The following ANK1 variants were observed in gnomAD, a reference collection of about 807,000 sequenced individuals.
ANK1 encodes ankyrin-1.
A neutral mutation model predicts 210.4 loss-of-function variants in ANK1; 51 were observed. The observed-to-expected ratio is 0.24, with a 90% CI of 0.19 to 0.31. The LOEUF (loss-of-function observed/expected upper bound fraction) is 0.31, where lower values mean the gene tolerates loss of function less well. ANK1 is among the 10% of genes least tolerant of loss of function. The pLI is 1.00. For synonymous variants in ANK1, 967 were observed against 1,025.9 expected, an observed-to-expected ratio of 0.94 and a Z score of 1.10; for missense variants, 2,051 against 2,504.4, an observed-to-expected ratio of 0.82 and a Z score of 3.86.
intron 14 of ANK1, 100 bp downstream of exon 14, chr8:41,715,552 T>C (rs549601357): frequency 1.1e-5 from 16 of 1,439,616 alleles, no homozygotes; most frequent in African/African-American, 8.4e-5. Context: ...TGCAGCATCA[T>C]TGAGGTGACA....
At chr8:41,885,203 A>C (rs1433449227) in intron 1 of ANK1, among the ~76,000 whole-genome samples, 1 of 152,196 alleles carries the variant, frequency 6.6e-6, no homozygotes, top group African/African-American at 2.4e-5. Context: ...GTTCTTCCTG[A>C]GAAATCTGGT....
intron 1 of ANK1, among the ~76,000 whole-genome samples, chr8:41,812,385 GC>G: frequency 6.6e-6 from 1 of 152,318 alleles, no homozygotes; most frequent in East Asian, 1.9e-4. Flanking sequence ...AGTGTCCTAA[GC>G]TGTAGAAAGG....
At chr8:41,726,988 A>G (rs1234269667) in intron 5 of ANK1, among the ~76,000 whole-genome samples, 2 of 152,190 alleles carry the variant, frequency 1.3e-5, no homozygotes, top group Non-Finnish European at 2.9e-5. Context: ...CCCTCCAGTC[A>G]CAAGTATTGG....
At chr8:41,701,135 T>C (rs548619133) in intron 22 of ANK1, among the ~76,000 whole-genome samples, 8 of 152,316 alleles carry the variant, frequency 5.3e-5, no homozygotes, top group Non-Finnish European at 1.0e-4. Context: ...TGGTCAGAAG[T>C]GCAGCTTAAA....
chr8:41,760,999 A>T (rs896625712), intron 1 of ANK1, among the ~76,000 whole-genome samples: 1 of 152,160 alleles, frequency 6.6e-6, no homozygotes, highest in Non-Finnish European at 1.5e-5. Flanking sequence ...TATTTGAAAA[A>T]AAAGTCTTTG....
Position 41,817,265 on chromosome 8 carries a change from T to C in ANK1, c.127-59128A>G, listed in dbSNP as rs142560277. 2.6e-5 allele frequency among the ~76,000 whole-genome samples: 4 copies of C among 152,352 alleles called. No individual in the cohort carries two copies. In the East Asian group the frequency reaches 7.7e-4, roughly 29 times the overall value. On this transcript the variant is annotated intron_variant, in intron 1 of 42. Coordinates refer to the ANK1 transcript ENST00000265709. Reference sequence around the variant, plus strand: ...TTTTGGGGGGCACATTTGCCTATTATCAGAAGTCTAGGATAAATCTATTAA... The same window carrying C: ...TTTTGGGGGGCACATTTGCCTATTACCAGAAGTCTAGGATAAATCTATTAA...
At chr8:41,740,984 G>A (rs1834647638) in intron 2 of ANK1, among the ~76,000 whole-genome samples, 2 of 152,182 alleles carry the variant, frequency 1.3e-5, no homozygotes, top group African/African-American at 4.8e-5. Flanking sequence ...GGCAGGTGAG[G>A]ATGCTGGGTG....
intron 1 of ANK1, among the ~76,000 whole-genome samples, chr8:41,783,972 C>T (rs1845844214): frequency 6.6e-6 from 1 of 151,822 alleles, no homozygotes; most frequent in African/African-American, 2.4e-5. Context: ...TCACTTGAGC[C>T]CAGGAGGTCG....
intron 1 of ANK1, among the ~76,000 whole-genome samples, chr8:41,832,332 G>A (rs1806832930): frequency 6.6e-6 from 1 of 151,418 alleles, no homozygotes; most frequent in Non-Finnish European, 1.5e-5. Flanking sequence ...CTTCCCACCA[G>A]CCTCACGCAC....
intron 1 of ANK1, among the ~76,000 whole-genome samples, chr8:41,803,052 A>G (rs57025018): frequency 0.011 from 712 of 64,550 alleles, 6 homozygotes; most frequent in African/African-American, 0.043. Context: ...AGAAAGAAAG[A>G]AAGAGAGAAA....
At chr8:41,695,411 C>T in intron 26 of ANK1, 80 bp from the exon 27 acceptor site, 1 of 1,583,572 alleles carries the variant, frequency 6.3e-7, no homozygotes, top group Non-Finnish European at 8.6e-7. Flanking sequence ...GCTGCCGGCT[C>T]CCACCCAGAT....
At chr8:41,696,128 G>A (rs959648594) in intron 26 of ANK1, among the ~76,000 whole-genome samples, 2 of 152,196 alleles carry the variant, frequency 1.3e-5, no homozygotes, top group Non-Finnish European at 1.5e-5. Context: ...GGCCTCAAGC[G>A]ATGCTCTCAC....
chr8:41,848,141 T>C (rs898134835), intron 1 of ANK1, among the ~76,000 whole-genome samples: 1 of 151,686 alleles, frequency 6.6e-6, no homozygotes, highest in Admixed American at 6.6e-5. Flanking sequence ...GCTGAGATCA[T>C]GCCACTGCAC....
At chr8:41,708,727 C>A in intron 17 of ANK1, 51 bp downstream of exon 17, 1 of 1,598,170 alleles carries the variant, frequency 6.3e-7, no homozygotes, top group Non-Finnish European at 8.5e-7. Context: ...ATGAAGACAC[C>A]ACACGTTGTT....
chr8:41,703,450 A>ATATTTTTTTTTTTTTTTTTT (rs59985416), intron 20 of ANK1, among the ~76,000 whole-genome samples: 1 of 58,828 alleles, frequency 1.7e-5, no homozygotes, highest in African/African-American at 9.0e-5. Flanking sequence ...ATATATATAT[A>ATATTTTTTTTTTTTTTTTTT]TTTTTTTTTT....
At chr8:41,766,429 C>T (rs545778860) in intron 1 of ANK1, among the ~76,000 whole-genome samples, 4 of 152,336 alleles carry the variant, frequency 2.6e-5, no homozygotes, top group African/African-American at 9.6e-5. Context: ...TACAGCTTTA[C>T]AAACTGTCTC....
At chr8:41,688,622 G>A (rs773806802) in intron 33 of ANK1, 33 bp from the exon 34 acceptor site, 2 of 1,592,382 alleles carry the variant, frequency 1.3e-6, no homozygotes, top group South Asian at 2.2e-5. Flanking sequence ...TTGGGTTTTG[G>A]ACTCTCCCCA....
chr8:41,764,664 T>C (rs1841340082), intron 1 of ANK1, among the ~76,000 whole-genome samples: 1 of 152,164 alleles, frequency 6.6e-6, no homozygotes, highest in African/African-American at 2.4e-5. Flanking sequence ...TCTTCTGGTG[T>C]CTCTTCCCCT....
intron 37 of ANK1, among the ~76,000 whole-genome samples, chr8:41,673,198 T>C (rs1484560828): frequency 2.0e-5 from 3 of 152,142 alleles, no homozygotes; most frequent in Non-Finnish European, 2.9e-5. Flanking sequence ...GAAGAGGAGA[T>C]TGGACTTTCT....
Sources: gnomAD v4.1 joint callset for allele counts (sites outside exome capture counted in the v4.1 genomes callset) on GRCh38, gnomAD v4.1.1 for gene constraint, MANE v1.5 for transcripts, NCBI Gene and HGNC (gene_info 2026-07-23, HGNC 2026-07-21) for gene names.